Variants in KAT14 observed in about 807,000 individuals in gnomAD.
KAT14 encodes the protein lysine acetyltransferase 14.
In KAT14, 66 loss-of-function variants were observed where a neutral mutation model predicts 78.4. The ratio of observed to expected loss-of-function variants is 0.84; its 90% confidence interval spans 0.69 to 1.03. The LOEUF (loss-of-function observed/expected upper bound fraction) is 1.03, where lower values mean the gene tolerates loss of function less well. Among genes scored for constraint, KAT14 ranks in the 50% least tolerant of loss-of-function variants. The pLI, the probability that KAT14 is intolerant of heterozygous loss-of-function variation, is 0.00. For synonymous variants in KAT14, 344 were observed against 359.4 expected (o/e 0.96, Z 0.48); for missense variants, 870 against 972.5 (o/e 0.89, Z 1.40).
At position 18,187,783 on chromosome 20, in the gene KAT14, GAT is replaced by G; in HGVS notation, c.*326_*327del. ...ATCTAACCTGATGCTCTTGGAGAGA[GAT>G]AACCTGTCTGTCATAACTTAAAGGA... On this transcript the variant is annotated 3_prime_UTR_variant, in exon 11 of 11. Coordinates refer to ENST00000688188, the MANE Select transcript of KAT14 (RefSeq NM_001392073.1). The G allele has an allele frequency of 3.0e-6, 1 of 330,410 alleles. No homozygotes were observed. The highest frequency in any genetic ancestry group is 3.3e-5 in the South Asian group (1 of 30,242). The allele number at this position is 330,410 out of a possible 1,614,324, so 20.5% of individuals were successfully genotyped here.
chr20:18,187,021 C>T (rs1288655985), intron 10 of KAT14, among the ~76,000 whole-genome samples: 2 of 152,130 alleles, frequency 1.3e-5, no homozygotes, highest in African/African-American at 4.8e-5. Context: ...CTGACAATAA[C>T]AATATCCCCA....
intron 1 of KAT14, among the ~76,000 whole-genome samples, chr20:18,141,526 A>G (rs1478782182): frequency 1.3e-5 from 2 of 152,200 alleles, no homozygotes; most frequent in Non-Finnish European, 2.9e-5. Flanking sequence ...ACAGAAGAGT[A>G]GTTTAGAGTG....
intron 7 of KAT14, among the ~76,000 whole-genome samples, chr20:18,177,897 A>T (rs1000150140): frequency 6.6e-6 from 1 of 152,194 alleles, no homozygotes; most frequent in African/African-American, 2.4e-5. Flanking sequence ...TTGAAATGAA[A>T]CACATAAAAT....
rs114882072 is a variant in KAT14 at position 18,143,064 on chromosome 20, A to G, written c.259+145A>G. 853 of 1,427,860 alleles carry G rather than the reference A, an allele frequency of 6.0e-4. 9 individuals carry two copies. The African/African-American group carries it at 0.012, about 19-fold the overall frequency. The allele number at this position is 1,427,860 out of a possible 1,614,324, so 88.4% of individuals were successfully genotyped here. A position where few individuals can be genotyped will look rare whatever the true frequency, so the allele number is the denominator to read the frequency against. On this transcript the variant is annotated intron_variant, in intron 2 of 10. Transcript: ENST00000688188. ...TCTAGTTGATCAGCTATAAATTTAT[A>G]TAAAACATAGGCATGTTTGTACTAA...
Position 18,142,134 on chromosome 20 carries a change from T to C in KAT14, c.-453-74T>C, listed in dbSNP as rs557964031. 124 of 1,424,020 alleles carry C rather than the reference T, an allele frequency of 8.7e-5. No homozygotes were observed. The South Asian group carries it at 1.7e-3, about 19-fold the overall frequency. 88.2% of individuals were successfully genotyped at this position (1,424,020 alleles called of 1,614,324 possible). On this transcript the variant is annotated intron_variant, in intron 1 of 10. Transcript: ENST00000688188. ...TAAGTATATTTTGGTAACACTGTTA[T>C]TTGGATTTGAATGGCACAAGGATGG...
At chr20:18,166,030 A>G (rs1167495675) in intron 7 of KAT14, among the ~76,000 whole-genome samples, 5 of 152,204 alleles carry the variant, frequency 3.3e-5, no homozygotes, top group Admixed American at 2.0e-4. Flanking sequence ...CTTAAGGATG[A>G]TAGCCTCAAT....
Position 18,187,412 on chromosome 20 carries a change from G to T in KAT14, c.2299G>T (p.Glu767Ter). ...TTTCTATGATAAATATTACCCATTG[G>T]AGAGTACAGAGTGTAAACACGCATT... ...LDFYDKYYPL[E>*]STECKHAFFL... is the part of the protein sequence containing the mutation. The change falls in exon 11 of 11, where the codon GAG (glutamate) becomes TAG (stop). Residue 767 changes from glutamate to a stop codon, truncating the protein, a stop_gained. Transcript: ENST00000688188. LOFTEE classifies it high-confidence loss of function. 2 of 1,614,200 alleles carry T rather than the reference G, an allele frequency of 1.2e-6. No individual in the cohort carries two copies. The highest frequency in any genetic ancestry group is 1.7e-6 in the Non-Finnish European group (2 of 1,180,034).
At chr20:18,182,532 AGTTTCCAATAATGAATGTCATT>A (rs2039298209) in intron 8 of KAT14, among the ~76,000 whole-genome samples, 1 of 152,270 alleles carries the variant, frequency 6.6e-6, no homozygotes, top group Admixed American at 6.5e-5. Context: ...TATATGAAGC[AGTTTCCAATAATGAATGTCATT>A]GTCCAGGCAA....
At chr20:18,174,913 C>T (rs2038979289) in intron 7 of KAT14, among the ~76,000 whole-genome samples, 1 of 152,108 alleles carries the variant, frequency 6.6e-6, no homozygotes, top group Non-Finnish European at 1.5e-5. Context: ...GATCCACCCA[C>T]CTCGGCCTCC....
At chr20:18,163,366 G>C (rs1188191812) in intron 7 of KAT14, among the ~76,000 whole-genome samples, 1 of 152,196 alleles carries the variant, frequency 6.6e-6, no homozygotes, top group African/African-American at 2.4e-5. Context: ...TAGCAGCCAA[G>C]GGATCAGTGT....
intron 1 of KAT14, among the ~76,000 whole-genome samples, chr20:18,140,470 C>A (rs1044800966): frequency 1.3e-5 from 2 of 151,858 alleles, no homozygotes; most frequent in African/African-American, 4.8e-5. Flanking sequence ...ATACGCAGGC[C>A]CTGGGCCCCA....
intron 8 of KAT14, 124 bp from the exon 9 acceptor site, chr20:18,182,999 G>A (rs1200372970): frequency 3.0e-5 from 40 of 1,351,052 alleles, no homozygotes; most frequent in Non-Finnish European, 3.8e-5. Flanking sequence ...CCAGCTTCGT[G>A]TAAAACAGTG....
At chr20:18,171,294 G>A (rs563591180) in intron 7 of KAT14, among the ~76,000 whole-genome samples, 34 of 152,322 alleles carry the variant, frequency 2.2e-4, no homozygotes, top group African/African-American at 7.9e-4. Context: ...AGATGTGACC[G>A]ATAAATGTCA....
chr20:18,146,669 C>CA (rs1453405850), intron 3 of KAT14, among the ~76,000 whole-genome samples: 2 of 150,970 alleles, frequency 1.3e-5, no homozygotes, highest in African/African-American at 4.9e-5. Context: ...CAAAAAAAAC[C>CA]AAAAAAACAA....
intron 7 of KAT14, among the ~76,000 whole-genome samples, chr20:18,164,425 T>A (rs976480179): frequency 7.2e-5 from 11 of 152,108 alleles, no homozygotes; most frequent in Non-Finnish European, 4.4e-5. Flanking sequence ...TTAAAGAGCC[T>A]CACAATCCAT....
chr20:18,184,584 AT>A lies in KAT14; in HGVS notation c.1982-17del. On this transcript the variant is annotated splice_polypyrimidine_tract_variant and intron_variant, in intron 9 of 10. Transcript: ENST00000688188. ...CAAAGGCATGTGGTTTGAGTCTCCGATGGTTTCTTTTCTTTAGGCATTGACC... is the reference window on the plus strand; with the variant it reads ...CAAAGGCATGTGGTTTGAGTCTCCGAGGTTTCTTTTCTTTAGGCATTGACC... The A allele has an allele frequency of 6.3e-7, 1 of 1,589,512 alleles. No individual in the cohort carries two copies. The highest frequency in any genetic ancestry group is 8.5e-7 in the Non-Finnish European group (1 of 1,174,068).
intron 7 of KAT14, among the ~76,000 whole-genome samples, chr20:18,179,580 G>T (rs377352402): frequency 2.0e-5 from 3 of 152,174 alleles, no homozygotes; most frequent in African/African-American, 7.2e-5. Flanking sequence ...TTTTAGCAAT[G>T]ACTGGAGCGG....
chr20:18,184,135 A>G (rs1370717316), intron 9 of KAT14, among the ~76,000 whole-genome samples: 1 of 152,230 alleles, frequency 6.6e-6, no homozygotes, highest in African/African-American at 2.4e-5. Flanking sequence ...TTTATTGTGA[A>G]AGGTAGCATT....
intron 2 of KAT14, 27 bp downstream of exon 2, chr20:18,142,946 T>C: frequency 6.2e-7 from 1 of 1,607,812 alleles, no homozygotes; most frequent in Non-Finnish European, 8.5e-7. Flanking sequence ...TTCCTTTGAT[T>C]TGTCAATTCC....
Sources: gnomAD v4.1 joint callset for allele counts (sites outside exome capture counted in the v4.1 genomes callset) on GRCh38, gnomAD v4.1.1 for gene constraint, MANE v1.5 for transcripts, NCBI Gene and HGNC (gene_info 2026-07-23, HGNC 2026-07-21) for gene names.